Variants in PPM1L observed in about 807,000 individuals in gnomAD.
PPM1L encodes protein phosphatase, Mg2+/Mn2+ dependent 1L, also known as protein phosphatase 1L.
In PPM1L, 13 loss-of-function variants were observed where a neutral mutation model predicts 31.4. That is an observed-to-expected ratio of 0.41 (90% CI 0.27 to 0.66). The LOEUF is 0.66. Among genes scored for constraint, PPM1L ranks in the 30% least tolerant of loss-of-function variants. PPM1L has a pLI of 0.29. For synonymous variants in PPM1L, 184 were observed against 175.4 expected (o/e 1.05, Z -0.39); for missense variants, 326 against 453.7 (o/e 0.72, Z 2.56).
intron 2 of PPM1L, among the ~76,000 whole-genome samples, chr3:161,041,679 C>T (rs774219451): frequency 2.0e-4 from 31 of 152,002 alleles, no homozygotes; most frequent in African/African-American, 4.6e-4. Flanking sequence ...ACCCAGGAGG[C>T]GGAGCTTGCA....
chr3:160,869,758 G>T (rs931452293), intron 1 of PPM1L, among the ~76,000 whole-genome samples: 1 of 151,784 alleles, frequency 6.6e-6, no homozygotes, highest in Non-Finnish European at 1.5e-5. Context: ...ATATTTGTAG[G>T]TATGTAAATT....
chr3:160,853,296 T>C (rs1711583166), intron 1 of PPM1L, among the ~76,000 whole-genome samples: 1 of 152,190 alleles, frequency 6.6e-6, no homozygotes, highest in Admixed American at 6.5e-5. Context: ...CCATTCAGCC[T>C]ACTACAAATA....
chr3:160,785,726 G>A (rs1039220299), intron 1 of PPM1L, among the ~76,000 whole-genome samples: 2 of 152,062 alleles, frequency 1.3e-5, no homozygotes, highest in Admixed American at 6.5e-5. Flanking sequence ...TCCATTGTGT[G>A]AGTGAACCAT....
At chr3:160,977,053 C>G (rs1477346947) in intron 2 of PPM1L, among the ~76,000 whole-genome samples, 4 of 152,082 alleles carry the variant, frequency 2.6e-5, no homozygotes, top group Non-Finnish European at 5.9e-5. Context: ...GAATGCGTCC[C>G]AGAGATTCTG....
At chr3:161,035,593 T>C (rs767908382) in intron 2 of PPM1L, among the ~76,000 whole-genome samples, 5 of 152,192 alleles carry the variant, frequency 3.3e-5, no homozygotes, top group Non-Finnish European at 5.9e-5. Flanking sequence ...ATAACATGAA[T>C]GGGAGAGGAA....
chr3:160,982,646 C>T (rs1210619248), intron 2 of PPM1L, among the ~76,000 whole-genome samples: 1 of 152,142 alleles, frequency 6.6e-6, no homozygotes, highest in African/African-American at 2.4e-5. Flanking sequence ...TTTTATTGCT[C>T]TTGGTTGCCT....
chr3:160,803,445 A>T (rs915678779), intron 1 of PPM1L, among the ~76,000 whole-genome samples: 2 of 136,888 alleles, frequency 1.5e-5, no homozygotes, highest in African/African-American at 6.2e-5. Flanking sequence ...AAGTTTAGAT[A>T]AAACAATGAA....
At chr3:160,952,091 C>T (rs1344155364) in intron 1 of PPM1L, among the ~76,000 whole-genome samples, 1 of 152,124 alleles carries the variant, frequency 6.6e-6, no homozygotes, top group Non-Finnish European at 1.5e-5. Context: ...TTTGAATAAC[C>T]TCTCCAGGTT....
intron 1 of PPM1L, among the ~76,000 whole-genome samples, chr3:160,862,980 T>C (rs900769757): frequency 6.6e-6 from 1 of 152,124 alleles, no homozygotes; most frequent in Non-Finnish European, 1.5e-5. Context: ...TCAGACAAAT[T>C]GTTACACAGC....
chr3:161,028,015 G>T (rs1284408267), intron 2 of PPM1L, among the ~76,000 whole-genome samples: 1 of 152,130 alleles, frequency 6.6e-6, no homozygotes, highest in African/African-American at 2.4e-5. Context: ...TCCTTGTTCG[G>T]CCTCATGGCT....
At chr3:160,892,341 C>T (rs1217557791) in intron 1 of PPM1L, among the ~76,000 whole-genome samples, 1 of 151,958 alleles carries the variant, frequency 6.6e-6, no homozygotes, top group Non-Finnish European at 1.5e-5. Context: ...GGGGGAGATA[C>T]CACACATTTT....
intron 2 of PPM1L, among the ~76,000 whole-genome samples, chr3:161,047,193 G>A (rs914182251): frequency 2.6e-5 from 4 of 152,090 alleles, no homozygotes; most frequent in African/African-American, 4.8e-5. Flanking sequence ...AGAAAACCCC[G>A]TCATCTCAGC....
chr3:161,075,316 A>C lies in PPM1L; in HGVS notation c.*6159A>C, dbSNP rs950781938. The C allele has an allele frequency of 1.3e-5, 2 of 152,224 alleles. No individual in the cohort carries two copies. The highest frequency in any genetic ancestry group is 4.8e-5 in the African/African-American group (2 of 41,454). The allele number at this position is 152,224 out of a possible 1,614,324, so 9.4% of individuals were successfully genotyped here. ...GATACCCAGACATTAAAAATGTAAA[A>C]AGTAGCTTATAAGAAATGTGGATTA... is the stretch of plus-strand genomic sequence containing the variant. On this transcript the variant is annotated 3_prime_UTR_variant, in exon 4 of 4. Coordinates refer to ENST00000498165, the MANE Select transcript of PPM1L (RefSeq NM_139245.4).
intron 2 of PPM1L, among the ~76,000 whole-genome samples, chr3:161,034,796 A>G (rs557926471): frequency 2.0e-5 from 3 of 152,084 alleles, no homozygotes; most frequent in Admixed American, 2.0e-4. Context: ...GCACGTGTAT[A>G]CCTATGTAAC....
intron 1 of PPM1L, among the ~76,000 whole-genome samples, chr3:160,850,124 C>G (rs1714219432): frequency 6.6e-6 from 1 of 152,178 alleles, no homozygotes; most frequent in East Asian, 1.9e-4. Flanking sequence ...ATCAGAGGTT[C>G]CCATGAGTGT....
At chr3:160,981,729 T>C (rs1716804338) in intron 2 of PPM1L, among the ~76,000 whole-genome samples, 1 of 147,206 alleles carries the variant, frequency 6.8e-6, no homozygotes, top group Non-Finnish European at 1.5e-5. Flanking sequence ...CCTTTCCTTC[T>C]CATTTTATTT....
intron 1 of PPM1L, among the ~76,000 whole-genome samples, chr3:160,757,282 A>G (rs1489485661): frequency 6.6e-6 from 1 of 152,180 alleles, no homozygotes; most frequent in Non-Finnish European, 1.5e-5. Context: ...TACAAGTGCA[A>G]TCGGGCCAAT....
At chr3:160,839,662 T>C (rs1388982490) in intron 1 of PPM1L, among the ~76,000 whole-genome samples, 1 of 152,236 alleles carries the variant, frequency 6.6e-6, no homozygotes, top group East Asian at 1.9e-4. Flanking sequence ...GGTGTTTCTA[T>C]GACTATTTAT....
chr3:160,924,641 G>A (rs1053554625), intron 1 of PPM1L, among the ~76,000 whole-genome samples: 7 of 152,148 alleles, frequency 4.6e-5, no homozygotes, highest in Non-Finnish European at 1.0e-4. Flanking sequence ...GTTGGTACCT[G>A]AAAAACATTT....
Sources: gnomAD v4.1 joint callset for allele counts (sites outside exome capture counted in the v4.1 genomes callset) on GRCh38, gnomAD v4.1.1 for gene constraint, MANE v1.5 for transcripts, NCBI Gene and HGNC (gene_info 2026-07-23, HGNC 2026-07-21) for gene names.